CD40: variants seen among roughly 807,000 people sequenced by gnomAD.
CD40 encodes tumor necrosis factor receptor superfamily member 5.
A neutral mutation model predicts 38.5 loss-of-function variants in CD40; 19 were observed. The observed-to-expected ratio is 0.49, with a 90% CI of 0.34 to 0.72. The LOEUF is 0.72. CD40 is among the 30% of genes least tolerant of loss of function. CD40 has a pLI of 0.01. For missense variants in CD40, 256 were observed against 344.1 expected (o/e 0.74, Z 2.03); for synonymous variants, 130 against 128.7 (o/e 1.01, Z -0.07).
At chr20:46,128,777 G>T in intron 8 of CD40, 105 bp from the exon 9 acceptor site, 1 of 1,268,170 alleles carries the variant, frequency 7.9e-7, no homozygotes. Flanking sequence ...CGCCGTCTGG[G>T]AAAGGGGGGA....
chr20:46,122,836 A>C lies in CD40; in HGVS notation c.403+80A>C. 1 of 1,557,096 alleles carries C rather than the reference A, an allele frequency of 6.4e-7. No homozygotes were observed. Among genetic ancestry groups the C allele is most frequent in the Non-Finnish European group, 8.8e-7 (1 of 1,136,350 alleles). On this transcript the variant is annotated intron_variant, in intron 4 of 8. Transcript: ENST00000372285. The surrounding 1 kb of genome is among the most constrained non-coding windows in gnomAD (Gnocchi z 5.0). ...CAAGGTGAGGGGCTGGGCAGTGGGC[A>C]CTTAGCCCCAGAGGCAGAGGAAGCA...
chr20:46,120,298 A>T (rs180952376), intron 1 of CD40, among the ~76,000 whole-genome samples: 46 of 152,340 alleles, frequency 3.0e-4, no homozygotes, highest in Admixed American at 2.7e-3. Context: ...TCGTAATCCA[A>T]CCTGCAGGGC....
chr20:46,124,553 C>T (rs1045866328), intron 5 of CD40, among the ~76,000 whole-genome samples: 3 of 54,986 alleles, frequency 5.5e-5, no homozygotes, highest in Admixed American at 2.4e-4. Context: ...TACTTTTGCA[C>T]AAATAGGAGT....
chr20:46,127,130 A>G (rs966592289), intron 6 of CD40: 1 of 172,780 alleles, frequency 5.8e-6, no homozygotes, highest in East Asian at 1.5e-4. Flanking sequence ...AGCTTAAAGT[A>G]TAATAATAAT....
intron 1 of CD40, among the ~76,000 whole-genome samples, chr20:46,118,757 C>T (rs576918178): frequency 6.6e-6 from 1 of 152,280 alleles, no homozygotes; most frequent in South Asian, 2.1e-4. Context: ...TGGCCCGTTT[C>T]CTGTCCCCTT....
At chr20:46,123,258 T>C in intron 5 of CD40, 39 bp downstream of exon 5, 1 of 1,464,890 alleles carries the variant, frequency 6.8e-7, no homozygotes, top group Non-Finnish European at 9.6e-7. Context: ...GCTCTAAGAG[T>C]GGCATGGAGC....
chr20:46,128,089 G>A lies in CD40; in HGVS notation c.560-49G>A, dbSNP rs1467312261. ...GACAAGTCACAGCAGGTTGAGGGTAGGGAGAAACTGCAGGTGAGGGGTGCA... is the reference window on the plus strand; with the variant it reads ...GACAAGTCACAGCAGGTTGAGGGTAAGGAGAAACTGCAGGTGAGGGGTGCA... On this transcript the variant is annotated intron_variant, in intron 6 of 8. Transcript: ENST00000372285. 1.9e-6 allele frequency: 3 copies of A among 1,613,902 alleles called. No homozygotes were observed. In the Admixed American group the frequency reaches 5.0e-5, roughly 27 times the overall value.
At chr20:46,123,313 G>A in intron 5 of CD40, 94 bp downstream of exon 5, 2 of 941,908 alleles carry the variant, frequency 2.1e-6, no homozygotes, top group Admixed American at 1.7e-5. Context: ...TGCTCCCAGA[G>A]GTCCACACAC....
In CD40 at chr20:46,122,415, G is replaced by A. The variant is rs138419660; in HGVS notation, c.256+57G>A. 168 of 1,611,554 alleles carry A rather than the reference G, an allele frequency of 1.0e-4. No homozygotes were observed. The highest frequency in any genetic ancestry group is 1.4e-4 in the Non-Finnish European group (163 of 1,178,414). ...GAACCGGGCTGATATTCCCGACAATGCAGCCATTCTAATTTTATGTAGCCA... is the reference window on the plus strand; with the variant it reads ...GAACCGGGCTGATATTCCCGACAATACAGCCATTCTAATTTTATGTAGCCA... On this transcript the variant is annotated intron_variant, in intron 3 of 8. Coordinates refer to ENST00000372285, the MANE Select transcript of CD40 (RefSeq NM_001250.6). The surrounding 1 kb of genome is among the most constrained non-coding windows in gnomAD (Gnocchi z 5.0).
chr20:46,125,348 A>G (rs1383136620), intron 5 of CD40, among the ~76,000 whole-genome samples: 1 of 151,732 alleles, frequency 6.6e-6, no homozygotes, highest in Non-Finnish European at 1.5e-5. Context: ...GATCGAGACC[A>G]TCCTGGCTAA....
chr20:46,129,250 G>A lies in CD40; in HGVS notation c.*210G>A. 3.3e-6 allele frequency: 2 copies of A among 605,076 alleles called. No individual in the cohort carries two copies. Among genetic ancestry groups the A allele is most frequent in the Non-Finnish European group, 3.0e-6 (1 of 335,092 alleles). The allele number at this position is 605,076 out of a possible 1,614,324, so 37.5% of individuals were successfully genotyped here. On this transcript the variant is annotated 3_prime_UTR_variant, in exon 9 of 9. Transcript: ENST00000372285. The stretch of plus-strand genomic sequence containing the variant: ...TTGAAGAACCTCTCACTTCACCCTG[G>A]AGCCCATCCAGTCTCCCAACTTGTA...
At chr20:46,126,025 G>A (rs577202909) in intron 5 of CD40, among the ~76,000 whole-genome samples, 32 of 152,318 alleles carry the variant, frequency 2.1e-4, no homozygotes, top group African/African-American at 7.2e-4. Flanking sequence ...CCTCAGGGAA[G>A]TCTTTCTGGA....
intron 5 of CD40, among the ~76,000 whole-genome samples, chr20:46,123,480 T>G (rs1201792951): frequency 1.3e-5 from 2 of 152,354 alleles, no homozygotes; most frequent in African/African-American, 4.8e-5. Context: ...GGGACACTTA[T>G]TTTAGCTTTC....
chr20:46,128,284 G>C, intron 7 of CD40, 46 bp from the exon 8 acceptor site: 4 of 1,606,984 alleles, frequency 2.5e-6, no homozygotes, highest in Non-Finnish European at 3.4e-6. Flanking sequence ...TTTCTTATCT[G>C]GCCTCTCCAA....
At position 46,119,615 on chromosome 20, in the gene CD40, A is replaced by G. The variant is rs75130279; in HGVS notation, c.51+1221A>G. 2.2e-3 allele frequency among the ~76,000 whole-genome samples: 333 copies of G among 152,264 alleles called. 4 individuals are homozygous for G. The highest frequency in any genetic ancestry group is 7.8e-3 in the African/African-American group (324 of 41,546). On this transcript the variant is annotated intron_variant, in intron 1 of 8. Coordinates refer to ENST00000372285, the MANE Select transcript of CD40 (RefSeq NM_001250.6). ...CAGGTAGAGGCTGGGCTGTGACAAC[A>G]ATGTCAGAAGCTATCTATTGAGGGC...
chr20:46,121,919 C>T, intron 2 of CD40, 21 bp downstream of exon 2: 1 of 1,595,732 alleles, frequency 6.3e-7, no homozygotes, highest in Non-Finnish European at 8.6e-7. Flanking sequence ...AACCCTCTAG[C>T]CCCATCATGG....
intron 5 of CD40, among the ~76,000 whole-genome samples, chr20:46,126,430 C>A (rs559518044): frequency 6.6e-6 from 1 of 152,166 alleles, no homozygotes; most frequent in Non-Finnish European, 1.5e-5. Context: ...GTGCAAGAAT[C>A]TTTTCTCTGC....
In CD40 at chr20:46,118,326, G is replaced by C. The variant is rs1270042434; in HGVS notation, c.-18G>C. ...CGCTCGGGCGCCCAGTGGTCCTGCC[G>C]CCTGGTCTCACCTCGCTATGGTTCG... On this transcript the variant is annotated 5_prime_UTR_variant, in exon 1 of 9. Coordinates refer to ENST00000372285, the MANE Select transcript of CD40 (RefSeq NM_001250.6). The C allele has an allele frequency of 6.2e-7, 1 of 1,613,026 alleles. No homozygotes were observed. Among genetic ancestry groups the C allele is most frequent in the Non-Finnish European group, 8.5e-7 (1 of 1,179,746 alleles).
chr20:46,119,897 G>A (rs1209007222), intron 1 of CD40, among the ~76,000 whole-genome samples: 1 of 152,184 alleles, frequency 6.6e-6, no homozygotes. Flanking sequence ...ACTATGGGGA[G>A]TGAGAACTGG....
Sources: gnomAD v4.1 joint callset for allele counts (sites outside exome capture counted in the v4.1 genomes callset) on GRCh38, gnomAD v4.1.1 for gene constraint, Gnocchi (gnomAD v3.1) non-coding constraint, MANE v1.5 for transcripts, NCBI Gene and HGNC (gene_info 2026-07-23, HGNC 2026-07-21) for gene names.